GGN: variants seen among roughly 807,000 people sequenced by gnomAD.
The protein encoded by GGN is gametogenetin.
A neutral mutation model predicts 35.5 loss-of-function variants in GGN; 27 were observed. The ratio of observed to expected loss-of-function variants is 0.76; its 90% CI spans 0.56 to 1.05. GGN has a LOEUF of 1.05. Among genes scored for constraint, GGN ranks in the 50% least tolerant of loss-of-function variants. The pLI, the probability that GGN is intolerant of heterozygous loss-of-function variation, is 0.00. For missense variants in GGN, 1,006 were observed against 940.7 expected (o/e 1.07, Z -0.91); for synonymous variants, 425 against 444.1 (o/e 0.96, Z 0.54).
Position 38,385,894 on chromosome 19 carries a change from T to G in GGN, c.1368A>C (p.Pro456=). ...PPTLQPPALQ[P]TPLPVAPPLT... is the part of the protein sequence containing the mutation. ...GCGGGGGAGCCACCGGCAGCGGCGTTGGCTGGAGCGCTGGTGGCTGCAGTG... is the reference window on the plus strand; with the variant it reads ...GCGGGGGAGCCACCGGCAGCGGCGTGGGCTGGAGCGCTGGTGGCTGCAGTG... The change falls in exon 3 of 4, where the codon CCA becomes CCC. Residue 456 remains proline, a synonymous_variant. Transcript: ENST00000334928. 1 of 1,557,584 alleles carries G rather than the reference T, an allele frequency of 6.4e-7. No individual in the cohort carries two copies. The highest frequency in any genetic ancestry group is 8.7e-7 in the Non-Finnish European group (1 of 1,153,556).
Position 38,384,541 on chromosome 19 carries a change from G to A in GGN, c.1842-12C>T, listed in dbSNP as rs778727013. ...TGGATGTGCTCAGCCTAGTGGGGGA[G>A]GGTAGAGTCAGCAAAGCCCAGCAAT... On this transcript the variant is annotated splice_polypyrimidine_tract_variant and intron_variant, in intron 3 of 3. Coordinates refer to ENST00000334928, the MANE Select transcript of GGN (RefSeq NM_152657.4). The A allele has an allele frequency of 6.2e-7, 1 of 1,606,780 alleles. No individual in the cohort carries two copies. The highest frequency in any genetic ancestry group is 1.7e-5 in the Admixed American group (1 of 59,974).
At position 38,385,419 on chromosome 19, in the gene GGN, A is replaced by G; in HGVS notation, c.1841+2T>C. 1 of 1,613,678 alleles carries G rather than the reference A, an allele frequency of 6.2e-7. No homozygotes were observed. The highest frequency in any genetic ancestry group is 8.5e-7 in the Non-Finnish European group (1 of 1,179,920). Reference sequence around the variant, plus strand: ...ACCCTCCTGTCCCTTCTCCCCTCTCACCAGGCAGAGACGTTGCGTGGCAGG... The same window carrying G: ...ACCCTCCTGTCCCTTCTCCCCTCTCGCCAGGCAGAGACGTTGCGTGGCAGG... On this transcript the variant is annotated splice_donor_variant, in intron 3 of 3. Coordinates refer to ENST00000334928, the MANE Select transcript of GGN (RefSeq NM_152657.4). LOFTEE classifies it high-confidence loss of function.
In GGN at chr19:38,387,003, G is replaced by T; in HGVS notation, c.259C>A (p.Pro87Thr). 1 of 1,543,644 alleles carries T rather than the reference G, an allele frequency of 6.5e-7. No individual in the cohort carries two copies. Among genetic ancestry groups the T allele is most frequent in the East Asian group, 2.3e-5 (1 of 43,286 alleles). Residue 87 changes from proline to threonine, a missense_variant, in exon 3 of 4, where the codon CCT (proline) becomes ACT (threonine). Transcript: ENST00000334928. This position sits in a 1 kb window ranked among gnomAD's most constrained non-coding sequence, Gnocchi z 5.3. ...GCAGAGACCGCGGCCGCCTCTTCAG[G>T]AGGGGGCATCACTGGAGAGGGCCGT... ...LERPSPVMPP[P>T]EEAAAVSAPP...
Position 38,386,596 on chromosome 19 carries a change from GGGA to G in GGN, c.663_665del (p.Pro222del). Reference sequence around the variant, plus strand: ...GGGCCATTTCGCCTTCGCCCGCATGGGGAGGCGCCCCTCCGCGAGCCCTGCCGG... The same window carrying G: ...GGGCCATTTCGCCTTCGCCCGCATGGGGCGCCCCTCCGCGAGCCCTGCCGG... On this transcript the variant is annotated inframe_deletion, in exon 3 of 4. Coordinates refer to ENST00000334928, the MANE Select transcript of GGN (RefSeq NM_152657.4). 1 of 1,613,304 alleles carries G rather than the reference GGGA, an allele frequency of 6.2e-7. No individual in the cohort carries two copies. The highest frequency in any genetic ancestry group is 8.5e-7 in the Non-Finnish European group (1 of 1,179,724).
Position 38,386,556 on chromosome 19 carries a change from C to T in GGN, c.706G>A (p.Glu236Lys), listed in dbSNP as rs1049423842. 16 of 1,613,488 alleles carry T rather than the reference C, an allele frequency of 9.9e-6. No individual in the cohort carries two copies. Among genetic ancestry groups the T allele is most frequent in the South Asian group, 2.2e-5 (2 of 91,094 alleles). The part of the protein sequence containing the change: ...EGEMAQPADS[E>K]SGLSLLCKIT... ...TTACACAGCAGGCTCAGACCGGACT[C>T]GGAATCCGCAGGCTGGGCCATTTCG... Residue 236 changes from glutamate (E) to lysine (K), a missense_variant, in exon 3 of 4, where the codon GAG (glutamate) becomes AAG (lysine). Glu to Lys is a moderately conservative substitution (Grantham distance 56, BLOSUM62 1). Coordinates refer to ENST00000334928, the MANE Select transcript of GGN (RefSeq NM_152657.4).
Position 38,385,497 on chromosome 19 carries a change from G to C in GGN, c.1765C>G (p.Leu589Val). 6.2e-7 allele frequency: 1 copy of C among 1,614,114 alleles called. No homozygotes were observed. Among genetic ancestry groups the C allele is most frequent in the Non-Finnish European group, 8.5e-7 (1 of 1,180,038 alleles). The change falls in exon 3 of 4, where the codon CTT (leucine) becomes GTT (valine). Residue 589 changes from leucine to valine, a missense_variant. Leu to Val is a conservative substitution (Grantham distance 32, BLOSUM62 1). Transcript: ENST00000334928. ...AARHWLPFQVLNSCPCKCYCH... is the reference protein window; with the variant it reads ...AARHWLPFQVVNSCPCKCYCH... ...TAACACTTGCAGGGACAGGAGTTAA[G>C]CACCTGGAAGGGCAGCCAGTGGCGC...
chr19:38,386,417 G>A lies in GGN; in HGVS notation c.845C>T (p.Ala282Val). The A allele has an allele frequency of 6.2e-7, 1 of 1,612,884 alleles. No homozygotes were observed. The highest frequency in any genetic ancestry group is 8.5e-7 in the Non-Finnish European group (1 of 1,179,950). ...CTTCAGGACCTCGGCGTAAGAGATG[G>A]CACCTGAGGCAGCAAAGAGGCCGCC... ...GGGGLFAASG[A>V]ISYAEVLKQG... Residue 282 changes from alanine to valine, a missense_variant, in exon 3 of 4, where the codon GCC (alanine) becomes GTC (valine). Physicochemically the swap from Ala to Val is moderately conservative, Grantham distance 64. Transcript: ENST00000334928.
chr19:38,386,298 A>G lies in GGN; in HGVS notation c.964T>C (p.Cys322Arg). Residue 322 changes from cysteine (C) to arginine (R), a missense_variant, in exon 3 of 4, where the codon TGC becomes CGC. By Grantham distance (180) the Cys-to-Arg change is radical. Transcript: ENST00000334928. ...AEGGDGDGEG[C>R]SGPPSAPASQ... ...GCAGGCGCCGAGGGAGGACCAGAGC[A>G]CCCTTCGCCGTCTCCATCACCTCCC... The G allele has an allele frequency of 1.2e-6, 2 of 1,609,822 alleles. No homozygotes were observed. The highest frequency in any genetic ancestry group is 1.7e-6 in the Non-Finnish European group (2 of 1,177,966).
At position 38,386,043 on chromosome 19, in the gene GGN, C is replaced by T. The variant is rs756048319; in HGVS notation, c.1219G>A (p.Ala407Thr). Residue 407 changes from alanine to threonine, a missense_variant, in exon 3 of 4, where the codon GCA becomes ACA. Physicochemically the swap from Ala to Thr is moderately conservative, Grantham distance 58. Coordinates refer to ENST00000334928, the MANE Select transcript of GGN (RefSeq NM_152657.4). ...IHSAPGPRRP[A>T]PALLAPPTFI... ...GTAGGCGGCGCCAGCAGGGCAGGTG[C>T]GGGCCTCCGGGGCCCGGGAGCTGAG... 2.5e-6 allele frequency: 4 copies of T among 1,597,970 alleles called. No individual in the cohort carries two copies. The highest frequency in any genetic ancestry group is 2.3e-5 in the East Asian group (1 of 44,380).
chr19:38,384,557 G>A (rs771651294), intron 3 of GGN, 28 bp from the exon 4 acceptor site: 2 of 1,546,980 alleles, frequency 1.3e-6, no homozygotes, highest in South Asian at 2.2e-5. Context: ...AGTCAGCAAA[G>A]CCCAGCAATG....
Position 38,384,472 on chromosome 19 carries a change from C to T in GGN, c.1899G>A (p.Leu633=). The T allele has an allele frequency of 6.2e-7, 1 of 1,614,076 alleles. No homozygotes were observed. Among genetic ancestry groups the T allele is most frequent in the Non-Finnish European group, 8.5e-7 (1 of 1,179,990 alleles). Residue 633 remains leucine (L), a synonymous_variant, in exon 4 of 4, where the codon CTG becomes CTA. Coordinates refer to ENST00000334928, the MANE Select transcript of GGN (RefSeq NM_152657.4). ...CCAGCTTGGCCACCAGAGAGCCGGA[C>T]AGCTTGATGGTGGCAACCCAGGGTG... ...GEPPWVATIK[L]SGSLVAKLEH...
In GGN at chr19:38,384,502, G is replaced by A. The variant is rs541323480; in HGVS notation, c.1869C>T (p.Gly623=). The change falls in exon 4 of 4, where the codon GGC becomes GGT. Residue 623 remains glycine (G), a synonymous_variant. Coordinates refer to ENST00000334928, the MANE Select transcript of GGN (RefSeq NM_152657.4). ...TGATGGTGGCAACCCAGGGTGGCTC[G>A]CCCAGGTGGTTGGTGGATGTGCTCA... The part of the protein sequence containing the change: ...AWLSTSTNHL[G]EPPWVATIKL... 182 of 1,613,950 alleles carry A rather than the reference G, an allele frequency of 1.1e-4. 4 individuals carry two copies. The South Asian group carries it at 1.5e-3, about 13-fold the overall frequency.
rs1267418692 is a variant in GGN, at chr19:38,384,385, A to G, written c.*27T>C. 1 of 1,483,526 alleles carries G rather than the reference A, an allele frequency of 6.7e-7. No homozygotes were observed. Among genetic ancestry groups the G allele is most frequent in the South Asian group, 1.1e-5 (1 of 88,132 alleles). 91.9% of individuals were successfully genotyped at this position (1,483,526 alleles called of 1,614,324 possible). A position where few individuals can be genotyped will look rare whatever the true frequency, so the allele number is the denominator to read the frequency against. On this transcript the variant is annotated 3_prime_UTR_variant, in exon 4 of 4. Coordinates refer to ENST00000334928, the MANE Select transcript of GGN (RefSeq NM_152657.4). Reference sequence around the variant, plus strand: ...GGTTATTTTATTGGCATGGAGGGGAAGGTGGAGGGTGTTGAGCCGACTACA... The same window carrying G: ...GGTTATTTTATTGGCATGGAGGGGAGGGTGGAGGGTGTTGAGCCGACTACA...
Position 38,386,252 on chromosome 19 carries a change from G to A in GGN, c.1010C>T (p.Pro337Leu), listed in dbSNP as rs1158244869. Reference protein sequence around the residue: ...SAPASQARALPPPPYTTFPGS... With the variant: ...SAPASQARALLPPPYTTFPGS... ...TGGGAAGGTGGTGTAGGGTGGCGGC[G>A]GTAGGGCCCGGGCTTGGGACGCAGG... Residue 337 changes from proline to leucine, a missense_variant, in exon 3 of 4, where the codon CCG becomes CTG. Transcript: ENST00000334928. 3.7e-6 allele frequency: 6 copies of A among 1,610,302 alleles called. No homozygotes were observed. Among genetic ancestry groups the A allele is most frequent in the Non-Finnish European group, 5.1e-6 (6 of 1,178,852 alleles).
chr19:38,384,849 A>T (rs565070101), intron 3 of GGN, among the ~76,000 whole-genome samples: 2 of 152,208 alleles, frequency 1.3e-5, no homozygotes, highest in East Asian at 3.9e-4. Context: ...GTCCCCCTGG[A>T]TGTGGGACTC....
rs1187754651 is a variant in GGN at position 38,386,501 on chromosome 19, G to A, written c.761C>T (p.Ala254Val). 1 of 1,612,928 alleles carries A rather than the reference G, an allele frequency of 6.2e-7. No individual in the cohort carries two copies. Among genetic ancestry groups the A allele is most frequent in the Non-Finnish European group, 8.5e-7 (1 of 1,179,978 alleles). Residue 254 changes from alanine (A) to valine (V), a missense_variant, in exon 3 of 4, where the codon GCC becomes GTC. Transcript: ENST00000334928. ...KITFKSRPSL[A>V]PPAASSSLAA... ...TAAGGAACTCGAGGCTGCCGGAGGG[G>A]CCAAAGAGGGCCTCGACTTGAAGGT...
Position 38,386,392 on chromosome 19 carries a change from C to T in GGN, c.870G>A (p.Lys290=), listed in dbSNP as rs1970723401. 1 of 1,612,922 alleles carries T rather than the reference C, an allele frequency of 6.2e-7. No individual in the cohort carries two copies. The highest frequency in any genetic ancestry group is 8.5e-7 in the Non-Finnish European group (1 of 1,179,916). Residue 290 remains lysine (K), a synonymous_variant, in exon 3 of 4, where the codon AAG becomes AAA. Transcript: ENST00000334928. ...CGGCTCCAGGAGGCAGGGGCCCTTG[C>T]TTCAGGACCTCGGCGTAAGAGATGG... is the stretch of plus-strand genomic sequence containing the variant. ...SGAISYAEVL[K]QGPLPPGAAR...
upstream of GGN, chr19:38,388,336 C>T (rs1970769054): frequency 5.1e-6 from 2 of 394,654 alleles, no homozygotes; most frequent in Admixed American, 4.4e-5. Context: ...CCTCCTTATA[C>T]CCAGGCCCTC....
Position 38,386,427 on chromosome 19 carries a change from C to A in GGN, c.835G>T (p.Ala279Ser), listed in dbSNP as rs1468806934. 6 of 1,612,770 alleles carry A rather than the reference C, an allele frequency of 3.7e-6. No homozygotes were observed. The East Asian group carries it at 1.3e-4, about 36-fold the overall frequency. ...GGGGGGGLFA[A>S]SGAISYAEVL... ...TCGGCGTAAGAGATGGCACCTGAGG[C>A]AGCAAAGAGGCCGCCGCCTCCGCCG... Residue 279 changes from alanine (A) to serine (S), a missense_variant, in exon 3 of 4, where the codon GCC becomes TCC. By Grantham distance (99) the Ala-to-Ser change is moderately conservative. Transcript: ENST00000334928.
Sources: allele counts gnomAD v4.1 joint callset (sites outside exome capture counted in the v4.1 genomes callset), GRCh38; gene constraint gnomAD v4.1.1; non-coding constraint Gnocchi (gnomAD v3.1); transcripts MANE v1.5; gene names NCBI Gene and HGNC (gene_info 2026-07-23, HGNC 2026-07-21).